Variants in CES1 observed in about 807,000 individuals in gnomAD.
CES1 encodes liver carboxylesterase 1.
CES1 carries 50 observed loss-of-function variants against 53.0 expected under a neutral mutation model. That is an observed-to-expected ratio of 0.94 (90% confidence interval 0.75 to 1.19). CES1 has a LOEUF of 1.19. CES1 is among the 50% of genes most tolerant of loss of function. The pLI, the probability that CES1 is intolerant of heterozygous loss-of-function variation, is 0.00. For synonymous variants in CES1, 202 were observed against 210.1 expected (o/e 0.96, Z 0.33); for missense variants, 534 against 538.0 (o/e 0.99, Z 0.07).
chr16:55,831,200 C>T (rs200480380), intron 1 of CES1, among the ~76,000 whole-genome samples: 1 of 152,102 alleles, frequency 6.6e-6, no homozygotes, highest in Non-Finnish European at 1.5e-5. Context: ...CGGCCAAGAC[C>T]AAAGATCCAT....
intron 7 of CES1, among the ~76,000 whole-genome samples, chr16:55,819,082 G>A (rs570241110): frequency 6.6e-6 from 1 of 152,214 alleles, no homozygotes; most frequent in Non-Finnish European, 1.5e-5. Flanking sequence ...ACTATCCTAG[G>A]ATGACAACTG....
At chr16:55,821,284 C>G in intron 5 of CES1, 84 bp downstream of exon 5, 8 of 1,532,588 alleles carry the variant, frequency 5.2e-6, no homozygotes, top group South Asian at 1.1e-5. Context: ...TCAGAGGTAT[C>G]CATAGCTGGA....
rs1448219277 is a variant in CES1 at position 55,826,401 on chromosome 16, A to G, written c.261-106T>C. ...AGGTTTAAGCCTGGAAATGGACTTG[A>G]TAGTTACAGACTCACGACATTGTAG... On this transcript the variant is annotated intron_variant, in intron 2 of 13. Transcript: ENST00000360526. 15 of 1,361,400 alleles carry G rather than the reference A, an allele frequency of 1.1e-5. No homozygotes were observed. In the African/African-American group the frequency reaches 1.7e-4, roughly 16 times the overall value. 84.3% of individuals were successfully genotyped at this position (1,361,400 alleles called of 1,614,324 possible).
In CES1 at chr16:55,816,952, G is replaced by T; in HGVS notation, c.917C>A (p.Ser306Tyr). The change falls in exon 8 of 14, where the codon TCT becomes TAT. Residue 306 changes from serine to tyrosine, a missense_variant. Coordinates refer to ENST00000360526, the MANE Select transcript of CES1 (RefSeq NM_001025195.2). ...TCTGGGGTCTCCCTGTAAGTCCAGA[G>T]ATAAGAATTTCTGTGAAGACAAAGG... ...LETTLKMKFLSLDLQGDPRES... is the reference protein window; with the variant it reads ...LETTLKMKFLYLDLQGDPRES... The T allele has an allele frequency of 6.2e-7, 1 of 1,614,146 alleles. No individual in the cohort carries two copies. The highest frequency in any genetic ancestry group is 2.2e-5 in the East Asian group (1 of 44,888).
At chr16:55,821,599 G>C in intron 4 of CES1, 78 bp from the exon 5 acceptor site, 9 of 1,501,478 alleles carry the variant, frequency 6.0e-6, no homozygotes, top group Non-Finnish European at 8.3e-6. Flanking sequence ...TGGGGCTAGG[G>C]GTTCTCAGTG....
rs767255319 is a variant in CES1 at position 55,819,593 on chromosome 16, A to G, written c.848T>C (p.Met283Thr). The G allele has an allele frequency of 1.2e-6, 2 of 1,614,174 alleles. No individual in the cohort carries two copies. Among genetic ancestry groups the G allele is most frequent in the Admixed American group, 1.7e-5 (1 of 60,026 alleles). The change falls in exon 7 of 14, where the codon ATG (methionine) becomes ACG (threonine). Residue 283 changes from methionine (M) to threonine (T), a missense_variant. This residue lies in a region of CES1 where 269 missense variants were observed against 206.6 expected (regional missense o/e 1.30). Coordinates refer to ENST00000360526, the MANE Select transcript of CES1 (RefSeq NM_001025195.2). ...AGCKTTTSAV[M>T]VHCLRQKTEE... The stretch of plus-strand genomic sequence containing the variant: ...CGTCTTCTGTCGCAGGCAGTGAACC[A>G]TGACAGCAGAGGTGGTGGTTTTGCA...
intron 7 of CES1, among the ~76,000 whole-genome samples, chr16:55,818,645 A>G (rs1393149264): frequency 2.6e-5 from 4 of 151,728 alleles, no homozygotes; most frequent in Non-Finnish European, 5.9e-5. Flanking sequence ...GAAGTATATG[A>G]ATGTATTTCT....
chr16:55,825,092 G>A lies in CES1; in HGVS notation c.405+1059C>T, dbSNP rs1346194790. Among the ~76,000 whole-genome samples the A allele has an allele frequency of 3.9e-5, 6 of 152,214 alleles. No homozygotes were observed. In the East Asian group the frequency reaches 1.2e-3, roughly 29 times the overall value. On this transcript the variant is annotated intron_variant, in intron 3 of 13. Transcript: ENST00000360526. ...GAAGGCAAGATCCTTGAAGGCAGGG[G>A]CTGTGTGGAGTGGATTCATGTTCCT... is the stretch of plus-strand genomic sequence containing the variant.
chr16:55,813,996 T>G (rs546031185), intron 8 of CES1, among the ~76,000 whole-genome samples: 1 of 152,176 alleles, frequency 6.6e-6, no homozygotes, highest in Non-Finnish European at 1.5e-5. Context: ...CCACCAGTAT[T>G]GATTTGGGGG....
chr16:55,819,624 C>A lies in CES1; in HGVS notation c.817G>T (p.Ala273Ser), dbSNP rs1567499789. ...KPLAEQIAIT[A>S]GCKTTTSAVM... ...GCAGAGGTGGTGGTTTTGCACCCAG[C>A]AGTGATAGCAATTTGCTGCAAAGAT... The change falls in exon 7 of 14, where the codon GCT becomes TCT. Residue 273 changes from alanine to serine, a missense_variant. Physicochemically the swap from Ala to Ser is moderately conservative, Grantham distance 99. Coordinates refer to ENST00000360526, the MANE Select transcript of CES1 (RefSeq NM_001025195.2). 6.2e-7 allele frequency: 1 copy of A among 1,613,822 alleles called. No homozygotes were observed. The highest frequency in any genetic ancestry group is 1.7e-5 in the Admixed American group (1 of 60,016).
intron 10 of CES1, 57 bp from the exon 11 acceptor site, chr16:55,810,721 C>A: frequency 1.3e-6 from 2 of 1,599,526 alleles, no homozygotes; most frequent in Non-Finnish European, 1.7e-6. Context: ...GCTTCTCCAG[C>A]CCACCAGAAA....
At position 55,823,575 on chromosome 16, in the gene CES1, G is replaced by T; in HGVS notation, c.514C>A (p.Arg172Ser). The T allele has an allele frequency of 1.2e-6, 2 of 1,613,824 alleles. No individual in the cohort carries two copies. Among genetic ancestry groups the T allele is most frequent in the South Asian group, 1.1e-5 (1 of 91,062 alleles). ...ENVVVVTIQY[R>S]LGIWGFFSTG... is the part of the protein sequence containing the mutation. Reference sequence around the variant, plus strand: ...CTGAAGAATCCCCAGATGCCCAGGCGATATTGAATGGTCACCACCACCACG... The same window carrying T: ...CTGAAGAATCCCCAGATGCCCAGGCTATATTGAATGGTCACCACCACCACG... Residue 172 changes from arginine to serine, a missense_variant, in exon 4 of 14, where the codon CGC becomes AGC. By Grantham distance (110) the Arg-to-Ser change is moderately radical. This residue lies in a region of CES1 where 85 missense variants were observed against 81.9 expected (regional missense o/e 1.04). Coordinates refer to ENST00000360526, the MANE Select transcript of CES1 (RefSeq NM_001025195.2).
intron 1 of CES1, among the ~76,000 whole-genome samples, chr16:55,832,209 G>A (rs545702928): frequency 6.6e-6 from 1 of 152,216 alleles, no homozygotes; most frequent in East Asian, 1.9e-4. Flanking sequence ...ATCCTTGGAA[G>A]CCACAGTAAA....
intron 11 of CES1, among the ~76,000 whole-genome samples, chr16:55,809,259 C>T (rs1182963576): frequency 6.6e-6 from 1 of 152,148 alleles, no homozygotes; most frequent in African/African-American, 2.4e-5. Context: ...AGATTCAACT[C>T]CAGTGGTCTT....
intron 2 of CES1, 152 bp downstream of exon 2, chr16:55,828,615 C>A: frequency 1.1e-6 from 1 of 920,784 alleles, no homozygotes; most frequent in Non-Finnish European, 1.7e-6. Flanking sequence ...ATAATGGACT[C>A]CAGAATGCTG....
intron 8 of CES1, 54 bp from the exon 9 acceptor site, chr16:55,813,097 C>G: frequency 6.2e-7 from 1 of 1,610,596 alleles, no homozygotes; most frequent in Non-Finnish European, 8.5e-7. Context: ...ACACCCATGT[C>G]CCCAACTCTG....
chr16:55,814,181 C>G (rs2031831092), intron 8 of CES1, among the ~76,000 whole-genome samples: 2 of 152,182 alleles, frequency 1.3e-5, no homozygotes, highest in Admixed American at 1.3e-4. Flanking sequence ...ACATGATTCC[C>G]TACTAGAGAG....
chr16:55,811,281 C>CGTGT (rs148271758), intron 9 of CES1, among the ~76,000 whole-genome samples: 1 of 149,852 alleles, frequency 6.7e-6, no homozygotes, highest in Non-Finnish European at 1.5e-5. Flanking sequence ...TGTGTGCGCG[C>CGTGT]GTGTGTGTGT....
intron 4 of CES1, among the ~76,000 whole-genome samples, chr16:55,822,236 G>C (rs1376606816): frequency 6.6e-6 from 1 of 152,260 alleles, no homozygotes; most frequent in Non-Finnish European, 1.5e-5. Context: ...CATGTGTTAA[G>C]TGATCACTCT....
Sources: gnomAD v4.1 joint callset for allele counts (sites outside exome capture counted in the v4.1 genomes callset) on GRCh38, gnomAD v4.1.1 for gene constraint, gnomAD v4.1.1 regional missense constraint, MANE v1.5 for transcripts, NCBI Gene and HGNC (gene_info 2026-07-23, HGNC 2026-07-21) for gene names.